The following SERINC5 variants were observed in gnomAD, a reference collection of about 807,000 sequenced individuals.
SERINC5 encodes the protein serine incorporator 5, also known as chromosome 5 open reading frame 12.
In SERINC5, 41 loss-of-function variants were observed where a neutral mutation model predicts 63.1. The observed-to-expected ratio is 0.65, with a 90% CI of 0.51 to 0.84. The LOEUF is 0.84. Ranked by LOEUF, SERINC5 falls within the 40% of genes least tolerant of loss-of-function variation. The pLI is 0.00. For missense variants in SERINC5, 523 were observed against 573.0 expected (o/e 0.91, Z 0.89); for synonymous variants, 222 against 215.2 (o/e 1.03, Z -0.28).
At chr5:80,171,838 G>A (rs371207564) in intron 5 of SERINC5, among the ~76,000 whole-genome samples, 2 of 151,806 alleles carry the variant, frequency 1.3e-5, no homozygotes, top group Non-Finnish European at 1.5e-5. Context: ...CTATGACTGC[G>A]CCACGGCACT....
rs150849611 is a variant in SERINC5, at chr5:80,254,889, C to T, written c.27+1007G>A. 1.6e-3 allele frequency among the ~76,000 whole-genome samples: 240 copies of T among 152,274 alleles called. 2 individuals are homozygous for T. Among genetic ancestry groups the T allele is most frequent in the African/African-American group, 5.7e-3 (237 of 41,560 alleles). On this transcript the variant is annotated intron_variant, in intron 1 of 11. Transcript: ENST00000507668. Reference sequence around the variant, plus strand: ...CAGTATAATCGCCGGTTACAGAAACCCACAGTTTAACCACTCCATCACTTA... The same window carrying T: ...CAGTATAATCGCCGGTTACAGAAACTCACAGTTTAACCACTCCATCACTTA...
At chr5:80,241,643 G>A (rs1259221354) in intron 1 of SERINC5, among the ~76,000 whole-genome samples, 4 of 152,044 alleles carry the variant, frequency 2.6e-5, no homozygotes, top group African/African-American at 9.7e-5. Flanking sequence ...TGAGGCTGCA[G>A]TGAGCTATGA....
At chr5:80,212,595 C>G (rs1304779340) in intron 1 of SERINC5, among the ~76,000 whole-genome samples, 3 of 148,202 alleles carry the variant, frequency 2.0e-5, no homozygotes, top group Admixed American at 6.9e-5. Context: ...CTTCCCATCT[C>G]AAGCTCAGAA....
At chr5:80,174,883 T>A (rs142809664) in intron 5 of SERINC5, 71 bp downstream of exon 5, 429 of 1,031,960 alleles carry the variant, frequency 4.2e-4, no homozygotes, top group Non-Finnish European at 5.8e-4. Flanking sequence ...AGCAATGCAG[T>A]TGAGTACAGC....
chr5:80,187,165 C>T (rs556494755), intron 2 of SERINC5, among the ~76,000 whole-genome samples: 1 of 150,202 alleles, frequency 6.7e-6, no homozygotes, highest in African/African-American at 2.4e-5. Flanking sequence ...AACTCCATCT[C>T]AAAAAAAAGA....
At chr5:80,179,152 A>C (rs1380269125) in intron 2 of SERINC5, among the ~76,000 whole-genome samples, 2 of 151,852 alleles carry the variant, frequency 1.3e-5, no homozygotes, top group African/African-American at 4.8e-5. Flanking sequence ...TACAATAATG[A>C]GCCCGGTGTG....
chr5:80,184,315 C>T (rs1748668627), intron 2 of SERINC5, among the ~76,000 whole-genome samples: 1 of 152,160 alleles, frequency 6.6e-6, no homozygotes, highest in Non-Finnish European at 1.5e-5. Flanking sequence ...TGCACATTAG[C>T]ACCTCTTTCA....
chr5:80,145,598 A>C (rs963648847), intron 11 of SERINC5, among the ~76,000 whole-genome samples: 2 of 152,212 alleles, frequency 1.3e-5, no homozygotes, highest in African/African-American at 4.8e-5. Flanking sequence ...TGAAAGGCAG[A>C]TGAATGCTTA....
At chr5:80,250,798 G>C (rs1010634198) in intron 1 of SERINC5, among the ~76,000 whole-genome samples, 4 of 152,248 alleles carry the variant, frequency 2.6e-5, no homozygotes, top group African/African-American at 9.6e-5. Context: ...TGGCCTAATT[G>C]CATTTACAGC....
At chr5:80,150,979 A>AT in intron 8 of SERINC5, 31 bp from the exon 9 acceptor site, 1 of 1,528,458 alleles carries the variant, frequency 6.5e-7, no homozygotes. Context: ...TCAGCTGGGC[A>AT]TATTAACACA....
intron 11 of SERINC5, among the ~76,000 whole-genome samples, chr5:80,126,947 C>T (rs977794522): frequency 3.3e-5 from 5 of 151,964 alleles, no homozygotes; most frequent in Non-Finnish European, 5.9e-5. Flanking sequence ...TAAATATATA[C>T]TCATCATCAA....
intron 1 of SERINC5, among the ~76,000 whole-genome samples, chr5:80,223,675 A>G (rs1487333092): frequency 1.3e-5 from 2 of 152,206 alleles, no homozygotes; most frequent in African/African-American, 4.8e-5. Context: ...ATGCAATCAT[A>G]CAGACTAAAT....
chr5:80,169,284 A>G, intron 6 of SERINC5, 51 bp downstream of exon 6: 1 of 1,511,672 alleles, frequency 6.6e-7, no homozygotes. Context: ...GGTTTGCTCA[A>G]AGACACTTAG....
chr5:80,204,511 T>C (rs1001640117), intron 1 of SERINC5, among the ~76,000 whole-genome samples: 1 of 152,166 alleles, frequency 6.6e-6, no homozygotes, highest in Non-Finnish European at 1.5e-5. Context: ...CCATAGGACA[T>C]GCAGGAACAG....
Position 80,227,559 on chromosome 5 carries a change from G to A in SERINC5, c.28-24506C>T, listed in dbSNP as rs553738935. On this transcript the variant is annotated intron_variant, in intron 1 of 11. Transcript: ENST00000507668. Reference sequence around the variant, plus strand: ...GTGGATCACTTGAAGCCAGGAGTTTGAGACCAGCCTGGACAACATGGTGAA... The same window carrying A: ...GTGGATCACTTGAAGCCAGGAGTTTAAGACCAGCCTGGACAACATGGTGAA... 4.5e-3 allele frequency among the ~76,000 whole-genome samples: 674 copies of A among 148,750 alleles called. 3 individuals carry two copies. Among genetic ancestry groups the A allele is most frequent in the African/African-American group, 0.016 (654 of 40,402 alleles).
chr5:80,183,532 T>G (rs1429339369), intron 2 of SERINC5, among the ~76,000 whole-genome samples: 1 of 152,166 alleles, frequency 6.6e-6, no homozygotes, highest in Non-Finnish European at 1.5e-5. Flanking sequence ...TACGCCCAGA[T>G]GGCCTGAAGT....
intron 1 of SERINC5, among the ~76,000 whole-genome samples, chr5:80,230,091 A>C (rs572381002): frequency 6.6e-6 from 1 of 151,916 alleles, no homozygotes; most frequent in Admixed American, 6.6e-5. Context: ...GAACCCAAGG[A>C]CTCGCTCCCT....
chr5:80,184,725 C>T (rs921213153), intron 2 of SERINC5, among the ~76,000 whole-genome samples: 2 of 152,140 alleles, frequency 1.3e-5, no homozygotes, highest in Admixed American at 1.3e-4. Flanking sequence ...ATTTGCTGTT[C>T]CAAAGTCCAC....
chr5:80,150,838 G>A, intron 9 of SERINC5, 44 bp downstream of exon 9: 2 of 1,362,004 alleles, frequency 1.5e-6, no homozygotes, highest in South Asian at 1.2e-5. Context: ...CTGAGAAATG[G>A]ATCTTCTGAG....
Sources: allele counts gnomAD v4.1 joint callset (sites outside exome capture counted in the v4.1 genomes callset), GRCh38; gene constraint gnomAD v4.1.1; transcripts MANE v1.5; gene names NCBI Gene and HGNC (gene_info 2026-07-23, HGNC 2026-07-21).